TRHDE: variants seen among roughly 807,000 people sequenced by gnomAD.
The protein encoded by TRHDE is thyrotropin releasing hormone degrading enzyme.
Under a neutral mutation model 125.7 loss-of-function variants are expected in TRHDE, and 72 were observed. That is an observed-to-expected ratio of 0.57 (90% CI 0.47 to 0.70). TRHDE has a LOEUF of 0.70. Ranked by LOEUF, TRHDE falls within the 30% of genes least tolerant of loss-of-function variation. The pLI is 0.00. For missense variants in TRHDE, 1,110 were observed against 1,327.1 expected (o/e 0.84, Z 2.54); for synonymous variants, 509 against 509.1 (o/e 1.00, Z 0.00).
intron 2 of TRHDE, among the ~76,000 whole-genome samples, chr12:72,339,856 A>C (rs191448146): frequency 6.6e-6 from 1 of 152,302 alleles, no homozygotes; most frequent in East Asian, 1.9e-4. Flanking sequence ...GCCCTTGGCC[A>C]CAGGGACCTT....
At chr12:72,407,576 A>T (rs1439184309) in intron 3 of TRHDE, among the ~76,000 whole-genome samples, 1 of 152,248 alleles carries the variant, frequency 6.6e-6, no homozygotes, top group Non-Finnish European at 1.5e-5. Context: ...TGCATACAAT[A>T]GAAAATAAAT....
At chr12:72,575,837 T>A (rs1021397914) in intron 12 of TRHDE, among the ~76,000 whole-genome samples, 1 of 152,154 alleles carries the variant, frequency 6.6e-6, no homozygotes, top group Non-Finnish European at 1.5e-5. Flanking sequence ...AAAGTGACCA[T>A]TGGGCCATAT....
At chr12:72,450,574 A>G (rs1013022057) in intron 3 of TRHDE, among the ~76,000 whole-genome samples, 2 of 152,132 alleles carry the variant, frequency 1.3e-5, no homozygotes, top group Non-Finnish European at 2.9e-5. Context: ...GTACATTGCT[A>G]TTAACCATAG....
At chr12:72,278,212 G>C (rs1036888877) in intron 1 of TRHDE, among the ~76,000 whole-genome samples, 4 of 152,002 alleles carry the variant, frequency 2.6e-5, no homozygotes, top group African/African-American at 9.7e-5. Context: ...TTTTGTGCCT[G>C]GCTTATTCAC....
chr12:72,577,530 G>C (rs1322844482), intron 12 of TRHDE, among the ~76,000 whole-genome samples: 1 of 152,080 alleles, frequency 6.6e-6, no homozygotes, highest in Non-Finnish European at 1.5e-5. Flanking sequence ...GGATATAGAA[G>C]GACTGAGGGG....
chr12:72,429,340 T>TAATAAC (rs1874330796), intron 3 of TRHDE, among the ~76,000 whole-genome samples: 1 of 114,088 alleles, frequency 8.8e-6, no homozygotes. Flanking sequence ...ATTTAAAGCA[T>TAATAAC]AATAATAATA....
intron 6 of TRHDE, among the ~76,000 whole-genome samples, chr12:72,516,657 C>G (rs1878876489): frequency 6.6e-6 from 1 of 151,568 alleles, no homozygotes; most frequent in Admixed American, 6.6e-5. Context: ...GCCTAATTGC[C>G]CTGGCCAGAA....
chr12:72,469,487 T>C (rs1384136055), intron 3 of TRHDE, among the ~76,000 whole-genome samples: 2 of 152,184 alleles, frequency 1.3e-5, no homozygotes, highest in African/African-American at 4.8e-5. Context: ...TTTATTAGGA[T>C]GGGCCCATCA....
intron 2 of TRHDE, among the ~76,000 whole-genome samples, chr12:72,165,700 GTCCTGCTC>G (rs1480229218): frequency 6.7e-6 from 1 of 150,094 alleles, no homozygotes; most frequent in Admixed American, 6.6e-5. Flanking sequence ...TTGAGATGGA[GTCCTGCTC>G]TATCGCCCAG....
intron 2 of TRHDE, among the ~76,000 whole-genome samples, chr12:72,233,818 C>T (rs1733638045): frequency 6.6e-6 from 1 of 152,142 alleles, no homozygotes; most frequent in Non-Finnish European, 1.5e-5. Flanking sequence ...TTCTCTTTTA[C>T]AAGATTCCAC....
At chr12:72,442,427 C>T (rs1875060055) in intron 3 of TRHDE, among the ~76,000 whole-genome samples, 1 of 151,888 alleles carries the variant, frequency 6.6e-6, no homozygotes, top group Non-Finnish European at 1.5e-5. Context: ...TGGCTCTCAT[C>T]CCCAGCAGTC....
At chr12:72,363,500 A>G (rs1345986806) in intron 2 of TRHDE, among the ~76,000 whole-genome samples, 3 of 152,052 alleles carry the variant, frequency 2.0e-5, no homozygotes, top group Non-Finnish European at 4.4e-5. Context: ...CAGCATATAA[A>G]CAGAACCAAA....
At chr12:72,237,729 G>A (rs1318454968) in intron 2 of TRHDE, among the ~76,000 whole-genome samples, 1 of 152,168 alleles carries the variant, frequency 6.6e-6, no homozygotes, top group Non-Finnish European at 1.5e-5. Context: ...CCCTAGCCAT[G>A]CGGAACTGTG....
At chr12:72,639,442 T>C (rs1325241608) in intron 15 of TRHDE, among the ~76,000 whole-genome samples, 1 of 152,338 alleles carries the variant, frequency 6.6e-6, no homozygotes, top group East Asian at 1.9e-4. Flanking sequence ...TCTTTGCCTT[T>C]GGTTTGAATG....
At chr12:72,565,752 C>T (rs1282479522) in intron 9 of TRHDE, among the ~76,000 whole-genome samples, 1 of 152,060 alleles carries the variant, frequency 6.6e-6, no homozygotes, top group South Asian at 2.1e-4. Flanking sequence ...TTTATATGCA[C>T]CCATTCTTTA....
At chr12:72,213,507 A>T (rs1415508757) in intron 2 of TRHDE, among the ~76,000 whole-genome samples, 1 of 152,154 alleles carries the variant, frequency 6.6e-6, no homozygotes, top group Non-Finnish European at 1.5e-5. Flanking sequence ...CCGAGCTTCA[A>T]AGAGAAACAG....
At chr12:72,270,038 A>C (rs1258794276), upstream of TRHDE, among the ~76,000 whole-genome samples, 1 of 152,184 alleles carries the variant, frequency 6.6e-6, no homozygotes, top group East Asian at 1.9e-4. Flanking sequence ...ACCAGTTTAA[A>C]ACCCTAAAGT....
At chr12:72,376,828 T>C (rs1028254080) in intron 2 of TRHDE, among the ~76,000 whole-genome samples, 9 of 152,162 alleles carry the variant, frequency 5.9e-5, no homozygotes, top group African/African-American at 2.2e-4. Context: ...ACAAATTTCT[T>C]TTTTTATTGA....
chr12:72,380,847 TTCTCTC>T (rs368233208), intron 3 of TRHDE, among the ~76,000 whole-genome samples: 1 of 139,266 alleles, frequency 7.2e-6, no homozygotes, highest in Admixed American at 7.1e-5. Flanking sequence ...CCCTCCCTCC[TTCTCTC>T]TCTCTCTTTC....
Sources: gnomAD v4.1 joint callset for allele counts (sites outside exome capture counted in the v4.1 genomes callset) on GRCh38, gnomAD v4.1.1 for gene constraint, MANE v1.5 for transcripts, NCBI Gene and HGNC (gene_info 2026-07-23, HGNC 2026-07-21) for gene names.